Variants in VAT1L observed in about 807,000 individuals in gnomAD.
VAT1L encodes vesicle amine transport 1 like, also known as putative NADPH-dependent quinone oxidoreductase VAT1L.
In VAT1L, 34 loss-of-function variants were observed where a neutral mutation model predicts 44.1. The observed-to-expected ratio is 0.77, with a 90% CI of 0.59 to 1.03. VAT1L has a LOEUF of 1.03. VAT1L is among the 50% of genes least tolerant of loss of function. VAT1L has a pLI of 0.00. For synonymous variants in VAT1L, 253 were observed against 202.2 expected, an observed-to-expected ratio of 1.25 and a Z score of -2.13; for missense variants, 615 against 538.8, an observed-to-expected ratio of 1.14 and a Z score of -1.40.
At chr16:77,855,194 G>T (rs1170659053) in intron 3 of VAT1L, among the ~76,000 whole-genome samples, 2 of 152,052 alleles carry the variant, frequency 1.3e-5, no homozygotes, top group African/African-American at 4.8e-5. Flanking sequence ...ACAAAAATTA[G>T]CTGGGCATGG....
At chr16:77,939,145 T>C (rs1374468026) in intron 7 of VAT1L, among the ~76,000 whole-genome samples, 1 of 152,206 alleles carries the variant, frequency 6.6e-6, no homozygotes, top group Non-Finnish European at 1.5e-5. Context: ...CTCTGCTAGC[T>C]AAACAGAATT....
intron 7 of VAT1L, among the ~76,000 whole-genome samples, chr16:77,896,965 G>A (rs1282672692): frequency 6.6e-6 from 1 of 152,202 alleles, no homozygotes; most frequent in African/African-American, 2.4e-5. Context: ...TGTTTCCAAA[G>A]ACTGGAAAGT....
intron 7 of VAT1L, among the ~76,000 whole-genome samples, chr16:77,914,769 T>G (rs898425860): frequency 5.3e-5 from 8 of 151,992 alleles, no homozygotes; most frequent in Admixed American, 1.3e-4. Flanking sequence ...TGGTAAGAAA[T>G]AGTGTTATCA....
At chr16:77,967,026 C>T (rs759756514) in intron 7 of VAT1L, among the ~76,000 whole-genome samples, 15 of 151,690 alleles carry the variant, frequency 9.9e-5, no homozygotes, top group Non-Finnish European at 1.3e-4. Context: ...TGGAGCCCAT[C>T]GAGCCCATCA....
chr16:77,973,438 C>A (rs1334614735), intron 8 of VAT1L, among the ~76,000 whole-genome samples: 1 of 152,036 alleles, frequency 6.6e-6, no homozygotes, highest in African/African-American at 2.4e-5. Context: ...GGGCCCACCA[C>A]CACACCTGGT....
At chr16:77,901,330 A>C (rs12921021) in intron 7 of VAT1L, among the ~76,000 whole-genome samples, 3 of 151,454 alleles carry the variant, frequency 2.0e-5, no homozygotes, top group African/African-American at 7.3e-5. Flanking sequence ...TGCCCGGCTA[A>C]TTTTTTGTAT....
chr16:77,822,636 G>C (rs1002943419), intron 2 of VAT1L, among the ~76,000 whole-genome samples: 1 of 152,190 alleles, frequency 6.6e-6, no homozygotes, highest in South Asian at 2.1e-4. Flanking sequence ...AGGATTCAGA[G>C]AGGGGAAGAC....
intron 7 of VAT1L, among the ~76,000 whole-genome samples, chr16:77,925,705 G>C (rs1431844044): frequency 6.6e-6 from 1 of 152,142 alleles, no homozygotes; most frequent in East Asian, 1.9e-4. Flanking sequence ...GTAAAATCTA[G>C]AGAGACTACA....
chr16:77,954,693 C>T (rs961620067), intron 7 of VAT1L, among the ~76,000 whole-genome samples: 3 of 152,162 alleles, frequency 2.0e-5, no homozygotes, highest in Non-Finnish European at 2.9e-5. Flanking sequence ...AGCAGGGGAC[C>T]TGTCTTTCTT....
intron 7 of VAT1L, among the ~76,000 whole-genome samples, chr16:77,953,821 C>G (rs368030979): frequency 1.3e-5 from 2 of 152,102 alleles, no homozygotes; most frequent in Admixed American, 1.3e-4. Context: ...AATTTGAGCA[C>G]GTGTATCTCT....
At chr16:77,843,220 C>A (rs2016724842) in intron 3 of VAT1L, among the ~76,000 whole-genome samples, 1 of 152,112 alleles carries the variant, frequency 6.6e-6, no homozygotes, top group Non-Finnish European at 1.5e-5. Context: ...ATCAAGGTGA[C>A]CTTGCTATGG....
intron 7 of VAT1L, among the ~76,000 whole-genome samples, chr16:77,961,681 A>G (rs2018161965): frequency 1.3e-5 from 2 of 152,166 alleles, no homozygotes; most frequent in Admixed American, 1.3e-4. Flanking sequence ...CTGCCCAGCC[A>G]GGATCTCAAA....
chr16:77,876,364 A>G lies in VAT1L; in HGVS notation c.723-6A>G. 3 of 1,613,996 alleles carry G rather than the reference A, an allele frequency of 1.9e-6. No homozygotes were observed. The highest frequency in any genetic ancestry group is 8.5e-7 in the Non-Finnish European group (1 of 1,179,898). The stretch of plus-strand genomic sequence containing the variant: ...CAGAATTTTGCTTTGCCTTCTCACC[A>G]TTTAGAATCTCTGCTGAAGGTGTGG... On this transcript the variant is annotated splice_polypyrimidine_tract_variant and splice_region_variant and intron_variant, in intron 4 of 8. Transcript: ENST00000302536.
chr16:77,821,753 A>C (rs2145242761), intron 2 of VAT1L, among the ~76,000 whole-genome samples: 2 of 151,918 alleles, frequency 1.3e-5, no homozygotes, highest in African/African-American at 4.9e-5. Context: ...CTGTCTACTC[A>C]GTGCCAGCAC....
At position 77,927,352 on chromosome 16, in the gene VAT1L, A is replaced by AC. The variant is rs368603886; in HGVS notation, c.1077+42551dup. ...GACTCCATCTCAAAAAAAAAAAAAA[A>AC]CACTGTTGGGAGGGCTTTGCATATA... On this transcript the variant is annotated intron_variant, in intron 7 of 8. Transcript: ENST00000302536. Among the ~76,000 whole-genome samples, 1,180 of 150,336 alleles carry AC rather than the reference A, an allele frequency of 7.8e-3. 15 individuals are homozygous for AC. The highest frequency in any genetic ancestry group is 0.01 in the Non-Finnish European group (698 of 67,580).
At chr16:77,790,033 A>T (rs577849092) in intron 1 of VAT1L, among the ~76,000 whole-genome samples, 71 of 152,308 alleles carry the variant, frequency 4.7e-4, no homozygotes, top group African/African-American at 1.6e-3. Context: ...TCTCCAAAGC[A>T]GCAGCCAGCT....
intron 4 of VAT1L, among the ~76,000 whole-genome samples, chr16:77,868,448 A>C (rs906964561): frequency 2.6e-5 from 4 of 152,218 alleles, no homozygotes; most frequent in African/African-American, 9.6e-5. Context: ...ACAGGTGAGC[A>C]ATGCCTAAAT....
At chr16:77,859,135 C>CA (rs59034189) in intron 3 of VAT1L, among the ~76,000 whole-genome samples, 17,799 of 125,642 alleles carry the variant, frequency 0.14, 1,410 homozygotes, top group East Asian at 0.32. Context: ...AACTCCATCT[C>CA]AAAAAAAAAA....
At chr16:77,864,597 G>C (rs979839144) in intron 4 of VAT1L, among the ~76,000 whole-genome samples, 19 of 152,144 alleles carry the variant, frequency 1.2e-4, no homozygotes, top group African/African-American at 4.3e-4. Context: ...CAGACAGCAA[G>C]AGCCTGTCTC....
Sources: allele counts gnomAD v4.1 joint callset (sites outside exome capture counted in the v4.1 genomes callset), GRCh38; gene constraint gnomAD v4.1.1; transcripts MANE v1.5; gene names NCBI Gene and HGNC (gene_info 2026-07-23, HGNC 2026-07-21).